RMST: variants seen among roughly 807,000 people sequenced by gnomAD.
RMST encodes the protein rhabdomyosarcoma 2 associated transcript.
At chr12:97,544,330 C>G in intron 11 of RMST, among the ~76,000 whole-genome samples, 1 of 151,972 alleles carries the variant, frequency 6.6e-6, no homozygotes. Flanking sequence ...TTGTGCCTGC[C>G]CAGTTGGGTT....
At chr12:97,480,637 A>T (rs1324102216) in intron 5 of RMST, among the ~76,000 whole-genome samples, 2 of 152,184 alleles carry the variant, frequency 1.3e-5, no homozygotes, top group African/African-American at 4.8e-5. Flanking sequence ...CCCAAGCTAA[A>T]TTCTAGCCTT....
chr12:97,464,779 T>G (rs924053640), intron 4 of RMST: 1 of 152,186 alleles, frequency 6.6e-6, no homozygotes, highest in Non-Finnish European at 1.5e-5. Context: ...TTGAGGAGCA[T>G]GTACCTTGAT....
chr12:97,552,167 T>G (rs2136651694), intron 11 of RMST: 1 of 152,328 alleles, frequency 6.6e-6, no homozygotes, highest in Non-Finnish European at 1.5e-5. Context: ...AAAGTTAATT[T>G]TAATGATACT....
intron 5 of RMST, among the ~76,000 whole-genome samples, chr12:97,477,000 C>T (rs1166574310): frequency 2.6e-5 from 4 of 151,962 alleles, no homozygotes; most frequent in African/African-American, 7.3e-5. Context: ...AATTCTAGAG[C>T]CAGGCATTAC....
At chr12:97,481,456 G>A (rs952975045) in intron 5 of RMST, among the ~76,000 whole-genome samples, 10 of 151,992 alleles carry the variant, frequency 6.6e-5, no homozygotes, top group African/African-American at 2.2e-4. Context: ...CTAAGAACAC[G>A]GATTTCCCAG....
chr12:97,513,016 C>G (rs1278880400), intron 10 of RMST, among the ~76,000 whole-genome samples: 1 of 152,226 alleles, frequency 6.6e-6, no homozygotes, highest in Non-Finnish European at 1.5e-5. Flanking sequence ...TGGGGCCTGC[C>G]GGCCGGCCGC....
intron 5 of RMST, among the ~76,000 whole-genome samples, chr12:97,483,682 T>C (rs1875733131): frequency 1.3e-5 from 2 of 152,148 alleles, no homozygotes; most frequent in Admixed American, 1.3e-4. Context: ...GTAAAAATAA[T>C]AGCTATATTG....
chr12:97,499,744 C>T (rs1877880193), intron 10 of RMST, among the ~76,000 whole-genome samples: 1 of 147,352 alleles, frequency 6.8e-6, no homozygotes, highest in Non-Finnish European at 1.5e-5. Flanking sequence ...ACTGCAGCTT[C>T]CACCTCCCAG....
intron 11 of RMST, chr12:97,551,864 G>A (rs1883332447): frequency 6.6e-6 from 1 of 152,088 alleles, no homozygotes; most frequent in Non-Finnish European, 1.5e-5. Context: ...CCTGTAATTT[G>A]CAGAAAATGG....
chr12:97,529,156 C>A (rs543898836), intron 10 of RMST, among the ~76,000 whole-genome samples: 64 of 152,052 alleles, frequency 4.2e-4, no homozygotes, highest in African/African-American at 1.4e-3. Flanking sequence ...ACTTTAGAAA[C>A]CTTTTTGTCT....
At chr12:97,500,889 A>T (rs1391982949) in intron 10 of RMST, among the ~76,000 whole-genome samples, 1 of 152,256 alleles carries the variant, frequency 6.6e-6, no homozygotes, top group Non-Finnish European at 1.5e-5. Context: ...CATAAAACAG[A>T]ATACAATTGA....
At chr12:97,474,102 C>A (rs1308779274) in intron 5 of RMST, among the ~76,000 whole-genome samples, 1 of 151,912 alleles carries the variant, frequency 6.6e-6, no homozygotes, top group Non-Finnish European at 1.5e-5. Flanking sequence ...AGACAGATAC[C>A]CTTTTATTGG....
chr12:97,499,030 C>A (rs1440022252), intron 10 of RMST, among the ~76,000 whole-genome samples: 2 of 152,168 alleles, frequency 1.3e-5, no homozygotes, highest in African/African-American at 2.4e-5. Context: ...GCTGAAGGTG[C>A]CCGCTGGGGC....
intron 5 of RMST, among the ~76,000 whole-genome samples, chr12:97,467,213 C>G (rs1037103722): frequency 2.0e-5 from 3 of 151,940 alleles, no homozygotes; most frequent in Non-Finnish European, 4.4e-5. Context: ...GAGATATAAA[C>G]GTGATAAGAT....
intron 10 of RMST, among the ~76,000 whole-genome samples, chr12:97,499,965 T>G (rs1480493692): frequency 1.3e-5 from 2 of 152,184 alleles, no homozygotes; most frequent in Non-Finnish European, 2.9e-5. Flanking sequence ...GGCCTATGTC[T>G]TCTTTTTACT....
chr12:97,527,145 G>A (rs561868514), intron 10 of RMST, among the ~76,000 whole-genome samples: 15 of 152,276 alleles, frequency 9.9e-5, no homozygotes, highest in African/African-American at 2.6e-4. Context: ...TTAATTAAAC[G>A]TATTGAAGTG....
At chr12:97,489,218 G>T (rs1876479113) in intron 5 of RMST, among the ~76,000 whole-genome samples, 1 of 152,124 alleles carries the variant, frequency 6.6e-6, no homozygotes, top group African/African-American at 2.4e-5. Context: ...AGCTGAGGTG[G>T]GAAGATCGCT....
At chr12:97,505,878 T>G (rs978683971) in intron 10 of RMST, among the ~76,000 whole-genome samples, 1 of 152,206 alleles carries the variant, frequency 6.6e-6, no homozygotes, top group African/African-American at 2.4e-5. Context: ...GGAAAGAAAG[T>G]ATGGTTAGAT....
At chr12:97,538,728 T>G (rs1177828563) in intron 11 of RMST, among the ~76,000 whole-genome samples, 4 of 151,458 alleles carry the variant, frequency 2.6e-5, no homozygotes, top group Non-Finnish European at 4.4e-5. Context: ...TAGGTTTAAG[T>G]GAGAATCATA....
Sources: allele counts gnomAD v4.1 joint callset (sites outside exome capture counted in the v4.1 genomes callset), GRCh38; gene constraint gnomAD v4.1.1; transcripts MANE v1.5; gene names NCBI Gene and HGNC (gene_info 2026-07-23, HGNC 2026-07-21).